The following CRTC1 variants were observed in gnomAD, a reference collection of about 807,000 sequenced individuals.
CRTC1 encodes the protein CREB regulated transcription coactivator 1, also known as CREB-regulated transcription coactivator 1.
A neutral mutation model predicts 66.1 loss-of-function variants in CRTC1; 18 were observed. The observed-to-expected ratio is 0.27, with a 90% CI of 0.19 to 0.40. The LOEUF is 0.40. CRTC1 is among the 10% of genes least tolerant of loss of function. The pLI is 1.00. For synonymous variants in CRTC1, 416 were observed against 398.8 expected (o/e 1.04, Z -0.51); for missense variants, 669 against 887.9 (o/e 0.75, Z 3.13).
At chr19:18,684,143 C>T (rs2052630141) in intron 1 of CRTC1, among the ~76,000 whole-genome samples, 1 of 151,982 alleles carries the variant, frequency 6.6e-6, no homozygotes, top group African/African-American at 2.4e-5. Context: ...CGTTACCTGA[C>T]AGGGGACAGG....
At chr19:18,687,714 G>A (rs562963001) in intron 1 of CRTC1, among the ~76,000 whole-genome samples, 3 of 152,296 alleles carry the variant, frequency 2.0e-5, no homozygotes, top group South Asian at 2.1e-4. Context: ...CACAGTTGCC[G>A]GTGGTGATGG....
At chr19:18,723,574 C>T (rs1366204453) in intron 1 of CRTC1, among the ~76,000 whole-genome samples, 3 of 152,254 alleles carry the variant, frequency 2.0e-5, no homozygotes, top group Non-Finnish European at 4.4e-5. Context: ...AAGGCCAGTT[C>T]ACCGGGGACC....
chr19:18,717,063 CTA>C (rs539745650), intron 1 of CRTC1, among the ~76,000 whole-genome samples: 145 of 152,250 alleles, frequency 9.5e-4, no homozygotes, highest in East Asian at 7.7e-3. Context: ...GTTTATGTGA[CTA>C]TGTGCATTGC....
chr19:18,746,816 C>G lies in CRTC1; in HGVS notation c.382-237C>G, dbSNP rs144367899. On this transcript the variant is annotated intron_variant, in intron 3 of 13. Coordinates refer to ENST00000321949, the MANE Select transcript of CRTC1 (RefSeq NM_015321.3). ...GCAGCCCGCACGTGTGCTCACGGAGCAGAGTGCTGAGTGCTAGGTGGACAG... is the reference window on the plus strand; with the variant it reads ...GCAGCCCGCACGTGTGCTCACGGAGGAGAGTGCTGAGTGCTAGGTGGACAG... Among the ~76,000 whole-genome samples the G allele has an allele frequency of 4.5e-3, 685 of 152,306 alleles. 7 individuals carry two copies. The highest frequency in any genetic ancestry group is 0.016 in the African/African-American group (661 of 41,560).
At chr19:18,750,955 G>A (rs2054350258) in intron 5 of CRTC1, among the ~76,000 whole-genome samples, 2 of 152,158 alleles carry the variant, frequency 1.3e-5, no homozygotes, top group South Asian at 4.1e-4. Context: ...CGAGGGGTGG[G>A]CAACAGGATG....
chr19:18,769,232 G>A (rs773531010), intron 10 of CRTC1, among the ~76,000 whole-genome samples: 131 of 152,328 alleles, frequency 8.6e-4, no homozygotes, highest in Non-Finnish European at 1.2e-3. Flanking sequence ...TGGGCACAGC[G>A]CCTGGGGCCC....
chr19:18,754,202 AG>A (rs1287059410), intron 6 of CRTC1, among the ~76,000 whole-genome samples: 1 of 152,160 alleles, frequency 6.6e-6, no homozygotes, highest in Non-Finnish European at 1.5e-5. Context: ...GTGAGGCACC[AG>A]CCTGTGCCAA....
chr19:18,756,022 AC>A (rs1280630015), intron 6 of CRTC1, among the ~76,000 whole-genome samples: 1 of 152,010 alleles, frequency 6.6e-6, no homozygotes, highest in Non-Finnish European at 1.5e-5. Flanking sequence ...TTCCACTCTT[AC>A]GGGAAAAAAA....
chr19:18,712,462 G>A (rs1402413029), intron 1 of CRTC1, among the ~76,000 whole-genome samples: 1 of 151,332 alleles, frequency 6.6e-6, no homozygotes, highest in Non-Finnish European at 1.5e-5. Context: ...GTTTCACCAT[G>A]TTGGCCAGGC....
At chr19:18,686,175 TAAATGG>T (rs1234374304) in intron 1 of CRTC1, among the ~76,000 whole-genome samples, 5 of 152,032 alleles carry the variant, frequency 3.3e-5, no homozygotes. Flanking sequence ...GCATTTTATA[TAAATGG>T]AATCACACAA....
intron 1 of CRTC1, among the ~76,000 whole-genome samples, chr19:18,693,691 G>T (rs1481175924): frequency 6.6e-6 from 1 of 150,566 alleles, no homozygotes; most frequent in Non-Finnish European, 1.5e-5. Context: ...CCCCATGTTC[G>T]CCAGGATGGT....
At position 18,768,661 on chromosome 19, in the gene CRTC1, C is replaced by G; in HGVS notation, c.1188C>G (p.Gly396=). ...CGCCCGTCCGCCTGCCCCCTGGTGG[C>G]CCCCTGTTGCCCAGCGCCAGCCTGA... ...PQAPVRLPPG[G]PLLPSASLTR... Residue 396 remains glycine, a synonymous_variant, in exon 10 of 14, where the codon GGC becomes GGG. Transcript: ENST00000321949. This position sits in a 1 kb window ranked among gnomAD's most constrained non-coding sequence, Gnocchi z 5.6. 1 of 1,456,314 alleles carries G rather than the reference C, an allele frequency of 6.9e-7. No individual in the cohort carries two copies. The highest frequency in any genetic ancestry group is 9.2e-7 in the Non-Finnish European group (1 of 1,089,476). The allele number at this position is 1,456,314 out of a possible 1,614,324, so 90.2% of individuals were successfully genotyped here. A position where few individuals can be genotyped will look rare whatever the true frequency, so the allele number is the denominator to read the frequency against.
At chr19:18,699,397 T>C (rs1011503313) in intron 1 of CRTC1, among the ~76,000 whole-genome samples, 2 of 152,082 alleles carry the variant, frequency 1.3e-5, no homozygotes, top group African/African-American at 4.8e-5. Context: ...CGGAACACAG[T>C]GTGTTCCAGG....
chr19:18,771,385 C>G lies in CRTC1; in HGVS notation c.1321-57C>G. The G allele has an allele frequency of 6.8e-7, 1 of 1,478,178 alleles. No homozygotes were observed. The highest frequency in any genetic ancestry group is 9.2e-7 in the Non-Finnish European group (1 of 1,085,122). 91.6% of individuals were successfully genotyped at this position (1,478,178 alleles called of 1,614,324 possible). A position where few individuals can be genotyped will look rare whatever the true frequency, so the allele number is the denominator to read the frequency against. Reference sequence around the variant, plus strand: ...TCAGGCTGCTCCCGGGAAGCAGGGACTGGAGCCCGGGCTTGGGCAGCTGGG... The same window carrying G: ...TCAGGCTGCTCCCGGGAAGCAGGGAGTGGAGCCCGGGCTTGGGCAGCTGGG... On this transcript the variant is annotated intron_variant, in intron 10 of 13. Transcript: ENST00000321949. The surrounding 1 kb of genome is among the most constrained non-coding windows in gnomAD (Gnocchi z 4.6).
intron 6 of CRTC1, among the ~76,000 whole-genome samples, chr19:18,754,436 C>T (rs1329950538): frequency 6.6e-6 from 1 of 152,110 alleles, no homozygotes; most frequent in East Asian, 1.9e-4. Flanking sequence ...TCACTTGAGC[C>T]CAGGAGGTCA....
intron 1 of CRTC1, among the ~76,000 whole-genome samples, chr19:18,735,009 C>T (rs61447117): frequency 6.6e-6 from 1 of 152,076 alleles, no homozygotes; most frequent in Non-Finnish European, 1.5e-5. Flanking sequence ...GGCGAGGCGT[C>T]CGGGCAGAAA....
At chr19:18,698,917 C>G (rs2053065202) in intron 1 of CRTC1, among the ~76,000 whole-genome samples, 1 of 151,968 alleles carries the variant, frequency 6.6e-6, no homozygotes, top group African/African-American at 2.4e-5. Flanking sequence ...TCAGCAGGTG[C>G]ACAGTGTGTA....
intron 1 of CRTC1, among the ~76,000 whole-genome samples, chr19:18,711,695 C>T (rs2053395851): frequency 6.6e-6 from 1 of 152,030 alleles, no homozygotes; most frequent in South Asian, 2.1e-4. Flanking sequence ...CCGGGCAGTT[C>T]CGCCCATTCC....
At chr19:18,693,534 T>G (rs1600755368) in intron 1 of CRTC1, among the ~76,000 whole-genome samples, 1 of 147,032 alleles carries the variant, frequency 6.8e-6, no homozygotes, top group African/African-American at 2.5e-5. Context: ...CAGGCTAGAG[T>G]GCAGCGGTGT....
Sources: allele counts gnomAD v4.1 joint callset (sites outside exome capture counted in the v4.1 genomes callset), GRCh38; gene constraint gnomAD v4.1.1; non-coding constraint Gnocchi (gnomAD v3.1); transcripts MANE v1.5; gene names NCBI Gene and HGNC (gene_info 2026-07-23, HGNC 2026-07-21).